CADPS2: variants seen among roughly 807,000 people sequenced by gnomAD.
The protein encoded by CADPS2 is calcium-dependent secretion activator 2.
In CADPS2, 93 loss-of-function variants were observed where a neutral mutation model predicts 172.5. That is an observed-to-expected ratio of 0.54 (90% CI 0.46 to 0.64). The LOEUF (loss-of-function observed/expected upper bound fraction) is 0.64, where lower values mean the gene tolerates loss of function less well. Among genes scored for constraint, CADPS2 ranks in the 30% least tolerant of loss-of-function variants. The probability of loss-of-function intolerance (pLI) is 0.00; values close to 1 mark genes in which losing one functional copy is unlikely to be tolerated. For missense variants in CADPS2, 1,420 were observed against 1,565.9 expected, an observed-to-expected ratio of 0.91 and a Z score of 1.57; for synonymous variants, 546 against 555.2, an observed-to-expected ratio of 0.98 and a Z score of 0.23.
rs137930197 is a variant in CADPS2, at chr7:122,698,784, T to C, written c.454-35215A>G. On this transcript the variant is annotated intron_variant, in intron 2 of 29. Coordinates refer to ENST00000449022, the MANE Select transcript of CADPS2 (RefSeq NM_017954.11). ...ACAACACATGATTCCCAACATGAAA[T>C]GATATGTTCATATAAGCCATCCAAA... is the stretch of plus-strand genomic sequence containing the variant. The C allele has an allele frequency of 3.7e-6, 6 of 1,613,806 alleles. No homozygotes were observed. The African/African-American group carries it at 5.3e-5, about 14-fold the overall frequency.
At chr7:122,744,916 C>G (rs2138132322) in intron 1 of CADPS2, among the ~76,000 whole-genome samples, 1 of 152,096 alleles carries the variant, frequency 6.6e-6, no homozygotes, top group Non-Finnish European at 1.5e-5. Context: ...TTAATTATTC[C>G]ATGAGTTTCC....
chr7:122,591,647 C>G (rs1163857187), intron 6 of CADPS2, among the ~76,000 whole-genome samples: 1 of 152,022 alleles, frequency 6.6e-6, no homozygotes, highest in Non-Finnish European at 1.5e-5. Flanking sequence ...AGATATAGAC[C>G]AATGGAACAG....
At position 122,474,325 on chromosome 7, in the gene CADPS2, G is replaced by C. The variant is rs556368032; in HGVS notation, c.1998+56C>G. The C allele has an allele frequency of 1.2e-5, 18 of 1,531,024 alleles. No individual in the cohort carries two copies. The South Asian group carries it at 1.9e-4, about 16-fold the overall frequency. The allele number at this position is 1,531,024 out of a possible 1,614,324, so 94.8% of individuals were successfully genotyped here. On this transcript the variant is annotated intron_variant, in intron 13 of 29. Coordinates refer to ENST00000449022, the MANE Select transcript of CADPS2 (RefSeq NM_017954.11). ...CTAAAATCTTTTATTCCAACTTATA[G>C]GGGATCTAAAATCTTTTATTCCAAC...
At chr7:122,511,842 T>C (rs759909903) in intron 9 of CADPS2, among the ~76,000 whole-genome samples, 2 of 152,196 alleles carry the variant, frequency 1.3e-5, no homozygotes, top group African/African-American at 2.4e-5. Flanking sequence ...CAGAAGTATC[T>C]ATTAAAATTG....
intron 3 of CADPS2, among the ~76,000 whole-genome samples, chr7:122,634,721 T>G (rs2076897258): frequency 6.6e-6 from 1 of 152,178 alleles, no homozygotes; most frequent in South Asian, 2.1e-4. Context: ...GATGTTTTCC[T>G]AGTTCCTCTA....
At chr7:122,328,370 G>T (rs1322537050) in intron 28 of CADPS2, 1 of 152,068 alleles carries the variant, frequency 6.6e-6, no homozygotes, top group South Asian at 2.1e-4. Context: ...ATTGGAAAAG[G>T]GTGAATGTGC....
intron 17 of CADPS2, chr7:122,425,940 A>T (rs1048336986): frequency 3.9e-5 from 6 of 151,998 alleles, no homozygotes; most frequent in Non-Finnish European, 8.8e-5. Context: ...CCTTGCTTTA[A>T]CTCTTTTTTC....
intron 1 of CADPS2, among the ~76,000 whole-genome samples, chr7:122,786,639 A>T (rs1394331110): frequency 2.0e-5 from 3 of 152,074 alleles, no homozygotes; most frequent in African/African-American, 4.8e-5. Context: ...TGAGATGTAA[A>T]TTTTTTTACT....
intron 1 of CADPS2, among the ~76,000 whole-genome samples, chr7:122,793,384 C>T (rs928168217): frequency 2.0e-5 from 3 of 152,022 alleles, no homozygotes; most frequent in African/African-American, 7.2e-5. Flanking sequence ...TTATGTAATG[C>T]CCTTCTTTAT....
In CADPS2 at chr7:122,681,213, G is replaced by T; in HGVS notation, c.454-17644C>A. On this transcript the variant is annotated intron_variant, in intron 2 of 29. Coordinates refer to ENST00000449022, the MANE Select transcript of CADPS2 (RefSeq NM_017954.11). ...TTAGTGGGTGCAGTGCACCAGCATG[G>T]CACATGTATACATATGTAATGAACC... The T allele has an allele frequency of 1.1e-5, 7 of 661,122 alleles. 1 individual carries two copies. In the South Asian group the frequency reaches 1.1e-4, roughly 11 times the overall value. 41.0% of individuals were successfully genotyped at this position (661,122 alleles called of 1,614,324 possible). A position where few individuals can be genotyped will look rare whatever the true frequency, so the allele number is the denominator to read the frequency against.
intron 25 of CADPS2, among the ~76,000 whole-genome samples, chr7:122,370,786 T>C (rs1241360900): frequency 6.6e-6 from 1 of 152,154 alleles, no homozygotes; most frequent in Non-Finnish European, 1.5e-5. Context: ...CACAAGGGTC[T>C]GGAAAAACTA....
At chr7:122,521,898 C>T (rs1167714969) in intron 8 of CADPS2, among the ~76,000 whole-genome samples, 1 of 152,074 alleles carries the variant, frequency 6.6e-6, no homozygotes, top group Non-Finnish European at 1.5e-5. Context: ...AGTTAAGCCT[C>T]AGCTCATATC....
chr7:122,822,845 C>T (rs1275449605), intron 1 of CADPS2, among the ~76,000 whole-genome samples: 1 of 151,384 alleles, frequency 6.6e-6, no homozygotes, highest in Admixed American at 6.6e-5. Context: ...CTGTAATTTT[C>T]CTTTACCTAC....
intron 27 of CADPS2, among the ~76,000 whole-genome samples, chr7:122,346,891 A>G (rs1038665509): frequency 3.3e-5 from 5 of 152,188 alleles, no homozygotes; most frequent in African/African-American, 1.2e-4. Context: ...TGTGTCATCT[A>G]CACCTGGGCT....
intron 27 of CADPS2, among the ~76,000 whole-genome samples, 161 bp from the exon 28 acceptor site, chr7:122,345,842 A>G (rs2037524697): frequency 6.6e-6 from 1 of 152,160 alleles, no homozygotes; most frequent in Admixed American, 6.5e-5. Context: ...CCATAATTAA[A>G]GCAAATAAAA....
chr7:122,347,030 C>A (rs765244469), intron 27 of CADPS2, among the ~76,000 whole-genome samples: 1 of 152,172 alleles, frequency 6.6e-6, no homozygotes, highest in African/African-American at 2.4e-5. Context: ...ATAGATCCAT[C>A]GACCTAATGA....
At chr7:122,567,181 T>C (rs951402078) in intron 7 of CADPS2, among the ~76,000 whole-genome samples, 2 of 152,148 alleles carry the variant, frequency 1.3e-5, no homozygotes, top group African/African-American at 4.8e-5. Flanking sequence ...ACATGAATTA[T>C]GTAAAAACTA....
intron 1 of CADPS2, among the ~76,000 whole-genome samples, chr7:122,844,529 G>A (rs922623960): frequency 3.3e-5 from 5 of 152,160 alleles, no homozygotes; most frequent in Admixed American, 2.6e-4. Context: ...AAATATCATG[G>A]GATATCCTGT....
intron 9 of CADPS2, among the ~76,000 whole-genome samples, chr7:122,498,459 T>C (rs1232114686): frequency 6.6e-6 from 1 of 152,222 alleles, no homozygotes; most frequent in African/African-American, 2.4e-5. Flanking sequence ...TTAATGCCTT[T>C]ATTCAAATCC....
Sources: allele counts gnomAD v4.1 joint callset (sites outside exome capture counted in the v4.1 genomes callset), GRCh38; gene constraint gnomAD v4.1.1; transcripts MANE v1.5; gene names NCBI Gene and HGNC (gene_info 2026-07-23, HGNC 2026-07-21).